MYO1D: variants seen among roughly 807,000 people sequenced by gnomAD.
The protein encoded by MYO1D is unconventional myosin-Id.
In MYO1D, 83 loss-of-function variants were observed where a neutral mutation model predicts 122.0. The ratio of observed to expected loss-of-function variants is 0.68; its 90% CI spans 0.57 to 0.82. The LOEUF (loss-of-function observed/expected upper bound fraction) is 0.82, where lower values mean the gene tolerates loss of function less well. Ranked by LOEUF, MYO1D falls within the 40% of genes least tolerant of loss-of-function variation. MYO1D has a pLI of 0.00. For synonymous variants in MYO1D, 464 were observed against 446.9 expected, an observed-to-expected ratio of 1.04 and a Z score of -0.48; for missense variants, 1,157 against 1,269.5, an observed-to-expected ratio of 0.91 and a Z score of 1.35.
At chr17:32,689,366 CA>C (rs757599785) in intron 16 of MYO1D, among the ~76,000 whole-genome samples, 1 of 152,154 alleles carries the variant, frequency 6.6e-6, no homozygotes, top group Non-Finnish European at 1.5e-5. Flanking sequence ...GAGTAGTAAA[CA>C]TCTTATTTTG....
chr17:32,557,151 T>C (rs531895577), intron 21 of MYO1D, among the ~76,000 whole-genome samples: 52 of 150,756 alleles, frequency 3.4e-4, no homozygotes, highest in African/African-American at 1.2e-3. Flanking sequence ...GGTGTTTCAC[T>C]CTTGTTGTCC....
At chr17:32,700,368 C>T (rs949941668) in intron 16 of MYO1D, among the ~76,000 whole-genome samples, 8 of 152,218 alleles carry the variant, frequency 5.3e-5, no homozygotes, top group African/African-American at 1.2e-4. Context: ...TGATAGGCCG[C>T]GGAGCTTGCT....
At chr17:32,518,368 C>T (rs1368506195) in intron 21 of MYO1D, 4 of 152,080 alleles carry the variant, frequency 2.6e-5, no homozygotes, top group Admixed American at 2.0e-4. Context: ...AGAGCTCTCG[C>T]GGTAAAAGTA....
intron 1 of MYO1D, among the ~76,000 whole-genome samples, chr17:32,817,724 G>C (rs1036517367): frequency 6.6e-6 from 1 of 152,186 alleles, no homozygotes; most frequent in Non-Finnish European, 1.5e-5. Flanking sequence ...GCCAGGCACT[G>C]AGCTAAGTGG....
intron 1 of MYO1D, among the ~76,000 whole-genome samples, chr17:32,782,754 A>G (rs1045013211): frequency 1.3e-5 from 2 of 152,092 alleles, no homozygotes; most frequent in Non-Finnish European, 2.9e-5. Flanking sequence ...TGGGCAACAT[A>G]GTGAAACTCC....
At chr17:32,808,218 T>C (rs1337488074) in intron 1 of MYO1D, among the ~76,000 whole-genome samples, 1 of 151,704 alleles carries the variant, frequency 6.6e-6, no homozygotes, top group African/African-American at 2.4e-5. Context: ...CGCAAAAAAA[T>C]TTAAAAATTA....
At chr17:32,779,481 T>C (rs1290408964) in intron 2 of MYO1D, among the ~76,000 whole-genome samples, 2 of 150,762 alleles carry the variant, frequency 1.3e-5, no homozygotes, top group Non-Finnish European at 3.0e-5. Context: ...ATTCTATATA[T>C]AATTATATAT....
intron 1 of MYO1D, among the ~76,000 whole-genome samples, chr17:32,859,434 C>T (rs1437648821): frequency 1.3e-5 from 2 of 152,184 alleles, no homozygotes; most frequent in Admixed American, 1.3e-4. Context: ...CTTTACTCAA[C>T]TTGGCTCCAA....
At position 32,817,897 on chromosome 17, in the gene MYO1D, C is replaced by G. The variant is rs1399127915; in HGVS notation, c.96-37113G>C. ...ATCCCAGCACTTTGGGAGGCCGAGG[C>G]GGGCGGATCACGAGGTCAGGAGATC... On this transcript the variant is annotated intron_variant, in intron 1 of 21. Transcript: ENST00000318217. Among the ~76,000 whole-genome samples the G allele has an allele frequency of 2.0e-5, 3 of 151,554 alleles. No individual in the cohort carries two copies. In the South Asian group the frequency reaches 6.2e-4, roughly 32 times the overall value.
intron 21 of MYO1D, among the ~76,000 whole-genome samples, chr17:32,523,032 G>A (rs149001532): frequency 1.3e-5 from 2 of 152,162 alleles, no homozygotes; most frequent in Non-Finnish European, 2.9e-5. Context: ...AGCCAGGATG[G>A]TCTCGATCTC....
chr17:32,545,777 T>C (rs2086960596), intron 21 of MYO1D, among the ~76,000 whole-genome samples: 1 of 149,480 alleles, frequency 6.7e-6, no homozygotes, highest in African/African-American at 2.6e-5. Context: ...GTGATTTTTT[T>C]TTTTTTTGGG....
rs1460701922 is a variant in MYO1D, at chr17:32,493,301, G to A, written c.*1458C>T. 6.6e-6 allele frequency: 1 copy of A among 152,278 alleles called. No individual in the cohort carries two copies. Among genetic ancestry groups the A allele is most frequent in the African/African-American group, 2.4e-5 (1 of 41,442 alleles). 9.4% of individuals were successfully genotyped at this position (152,278 alleles called of 1,614,324 possible). A position where few individuals can be genotyped will look rare whatever the true frequency, so the allele number is the denominator to read the frequency against. On this transcript the variant is annotated 3_prime_UTR_variant, in exon 22 of 22. Transcript: ENST00000318217. ...TTTTGGGAAGCAGGGATGGGGAGTG[G>A]GCATGAGACCGGGTTGTTGGGACCA... is the stretch of plus-strand genomic sequence containing the variant.
intron 13 of MYO1D, among the ~76,000 whole-genome samples, chr17:32,741,229 A>AG (rs889108485): frequency 6.6e-6 from 1 of 151,602 alleles, no homozygotes; most frequent in African/African-American, 2.4e-5. Context: ...ACTTCTAAAA[A>AG]AAAAAAAAAA....
chr17:32,729,345 A>C (rs1470024364), intron 14 of MYO1D, among the ~76,000 whole-genome samples: 1 of 152,224 alleles, frequency 6.6e-6, no homozygotes, highest in Non-Finnish European at 1.5e-5. Context: ...CTTATTAGGT[A>C]TTAATACATA....
intron 14 of MYO1D, among the ~76,000 whole-genome samples, chr17:32,726,155 A>C (rs2089569939): frequency 6.6e-6 from 1 of 152,236 alleles, no homozygotes; most frequent in South Asian, 2.1e-4. Context: ...GCAGTGGCTC[A>C]CGCCTGTAAT....
At position 32,745,234 on chromosome 17, in the gene MYO1D, A is replaced by G; in HGVS notation, c.1590T>C (p.Asp530=). The change falls in exon 13 of 22, where the codon GAT becomes GAC. Residue 530 remains aspartate, a synonymous_variant. Coordinates refer to ENST00000318217, the MANE Select transcript of MYO1D (RefSeq NM_015194.3). ...ACCTGTTATACATAAGGCGCTTGAA[A>G]TCTTGAAATAAAGTATCTTTATTTT... The part of the protein sequence containing the change: ...IDKNKDTLFQ[D]FKRLMYNSSN... The G allele has an allele frequency of 1.3e-6, 2 of 1,536,952 alleles. No homozygotes were observed. The highest frequency in any genetic ancestry group is 1.8e-6 in the Non-Finnish European group (2 of 1,116,118).
chr17:32,655,682 A>G (rs889849415), intron 17 of MYO1D, among the ~76,000 whole-genome samples: 4 of 152,190 alleles, frequency 2.6e-5, no homozygotes, highest in Admixed American at 1.3e-4. Flanking sequence ...GAATCCACAA[A>G]GCCATGAGAC....
At chr17:32,876,517 C>T (rs1567682590) in intron 1 of MYO1D, among the ~76,000 whole-genome samples, 1 of 152,164 alleles carries the variant, frequency 6.6e-6, no homozygotes, top group Admixed American at 6.5e-5. Context: ...CCGGACAGCG[C>T]CCAGGGCTCC....
At chr17:32,528,806 C>T (rs565790301) in intron 21 of MYO1D, among the ~76,000 whole-genome samples, 4 of 152,220 alleles carry the variant, frequency 2.6e-5, no homozygotes, top group South Asian at 2.1e-4. Context: ...TCCCAGAGGC[C>T]GGAGGGGTGG....
Sources: allele counts gnomAD v4.1 joint callset (sites outside exome capture counted in the v4.1 genomes callset), GRCh38; gene constraint gnomAD v4.1.1; transcripts MANE v1.5; gene names NCBI Gene and HGNC (gene_info 2026-07-23, HGNC 2026-07-21).